Variants in SGCD observed in about 807,000 individuals in gnomAD.
SGCD encodes sarcoglycan delta.
Under a neutral mutation model 36.6 loss-of-function variants are expected in SGCD, and 18 were observed. The observed-to-expected ratio is 0.49, with a 90% CI of 0.34 to 0.73. SGCD has a LOEUF of 0.73. Among genes scored for constraint, SGCD ranks in the 30% least tolerant of loss-of-function variants. The pLI, the probability that SGCD is intolerant of heterozygous loss-of-function variation, is 0.01. For missense variants in SGCD, 387 were observed against 346.7 expected (o/e 1.12, Z -0.92); for synonymous variants, 133 against 130.6 (o/e 1.02, Z -0.12).
rs187605462 is a variant in SGCD, at chr5:156,073,047, A to T, written c.-281-44831A>T. Among the ~76,000 whole-genome samples the T allele has an allele frequency of 1.3e-3, 191 of 152,160 alleles. 1 individual carries two copies. The highest frequency in any genetic ancestry group is 2.4e-3 in the Admixed American group (36 of 15,272). On this transcript the variant is annotated intron_variant, in intron 1 of 9. Transcript: ENST00000517913. ...ATACATTCATCTAAATTTTTTTCAA[A>T]GTTTTCAACTTCTTTGCCTTTGGTT...
At chr5:156,600,547 T>C (rs781488967) in intron 6 of SGCD, among the ~76,000 whole-genome samples, 1 of 152,232 alleles carries the variant, frequency 6.6e-6, no homozygotes, top group Non-Finnish European at 1.5e-5. Context: ...TAACACATTT[T>C]CTTTATGTAT....
intron 1 of SGCD, among the ~76,000 whole-genome samples, chr5:155,985,760 A>C (rs1355744453): frequency 6.6e-6 from 1 of 152,078 alleles, no homozygotes; most frequent in Non-Finnish European, 1.5e-5. Flanking sequence ...AAATAATGGC[A>C]CTCTCACTCC....
chr5:155,911,392 A>G (rs1756628354), intron 1 of SGCD, among the ~76,000 whole-genome samples: 1 of 151,776 alleles, frequency 6.6e-6, no homozygotes, highest in South Asian at 2.1e-4. Flanking sequence ...ATCATAAGGA[A>G]ATATAAATGG....
intron 3 of SGCD, among the ~76,000 whole-genome samples, chr5:156,457,856 T>C (rs541563173): frequency 3.9e-5 from 6 of 152,308 alleles, no homozygotes; most frequent in Non-Finnish European, 8.8e-5. Flanking sequence ...GGGATATGTG[T>C]ATGCAAGTGA....
At chr5:156,620,670 G>A (rs1317400408) in intron 6 of SGCD, among the ~76,000 whole-genome samples, 1 of 152,216 alleles carries the variant, frequency 6.6e-6, no homozygotes, top group Non-Finnish European at 1.5e-5. Flanking sequence ...GCAGCAGCAA[G>A]AACAGGGACT....
At chr5:155,821,940 G>A in the SGCD span, among the ~76,000 whole-genome samples, 1 of 152,164 alleles carries the variant, frequency 6.6e-6, no homozygotes, top group Admixed American at 6.5e-5. Flanking sequence ...GTTACTACAT[G>A]CCTGACATAT....
At chr5:155,896,265 G>C (rs568394740) in intron 1 of SGCD, among the ~76,000 whole-genome samples, 1 of 152,258 alleles carries the variant, frequency 6.6e-6, no homozygotes, top group East Asian at 1.9e-4. Flanking sequence ...TGTATTAGTA[G>C]TATTAACTTG....
chr5:156,726,216 T>G (rs1013196603), intron 7 of SGCD, among the ~76,000 whole-genome samples: 1 of 152,216 alleles, frequency 6.6e-6, no homozygotes, highest in Non-Finnish European at 1.5e-5. Context: ...ACAATAATTA[T>G]GAGGAGGGTC....
At chr5:155,976,640 G>A (rs962193163) in intron 1 of SGCD, among the ~76,000 whole-genome samples, 21 of 152,140 alleles carry the variant, frequency 1.4e-4, no homozygotes, top group African/African-American at 4.6e-4. Context: ...AGCGTGTGTT[G>A]TTTGGAATTT....
At chr5:156,749,558 C>T (rs1279354725) in intron 7 of SGCD, among the ~76,000 whole-genome samples, 1 of 152,048 alleles carries the variant, frequency 6.6e-6, no homozygotes, top group Non-Finnish European at 1.5e-5. Flanking sequence ...AAAAAAAAGA[C>T]AGACAGCTAC....
chr5:155,778,605 G>A, the SGCD span, among the ~76,000 whole-genome samples: 2 of 128,670 alleles, frequency 1.6e-5, no homozygotes, highest in African/African-American at 2.9e-5. Flanking sequence ...AGGTTATAAG[G>A]CTACACGTTT....
chr5:156,480,873 T>C (rs564886684), intron 3 of SGCD, among the ~76,000 whole-genome samples: 1 of 152,324 alleles, frequency 6.6e-6, no homozygotes, highest in African/African-American at 2.4e-5. Context: ...TCTTATTGCC[T>C]TCAAAGGCCA....
intron 6 of SGCD, among the ~76,000 whole-genome samples, chr5:156,632,559 T>A (rs1047902090): frequency 6.6e-6 from 1 of 152,196 alleles, no homozygotes. Context: ...CTTTTCTTCA[T>A]AGCTATATTT....
At chr5:155,820,297 A>C in the SGCD span, among the ~76,000 whole-genome samples, 2 of 152,168 alleles carry the variant, frequency 1.3e-5, no homozygotes, top group South Asian at 2.1e-4. Flanking sequence ...TCAACCCAGC[A>C]GACAGGCAGA....
At chr5:156,014,638 C>G (rs554103521) in intron 1 of SGCD, among the ~76,000 whole-genome samples, 12 of 152,226 alleles carry the variant, frequency 7.9e-5, no homozygotes, top group Admixed American at 7.8e-4. Context: ...ATGTAATCTA[C>G]AGTCCATATT....
chr5:156,742,732 G>T (rs1399765796), intron 7 of SGCD, among the ~76,000 whole-genome samples: 1 of 152,208 alleles, frequency 6.6e-6, no homozygotes, highest in Admixed American at 6.5e-5. Context: ...CAGAAGGACT[G>T]AGAACCAAGG....
At chr5:156,680,669 A>G (rs1292075701) in intron 7 of SGCD, among the ~76,000 whole-genome samples, 5 of 152,200 alleles carry the variant, frequency 3.3e-5, no homozygotes, top group African/African-American at 4.8e-5. Context: ...TACATGTGAA[A>G]GTCAGTCTTA....
chr5:156,589,238 C>A lies in SGCD; in HGVS notation c.302C>A (p.Ala101Asp). The change falls in exon 5 of 9, where the codon GCC becomes GAC. Residue 101 changes from alanine (A) to aspartate (D), a missense_variant. Transcript: ENST00000337851. The part of the protein sequence containing the change: ...AKEIQSRPGN[A>D]LYFKSARNVT... ...CTTATTTTCTTATTGCAGGGTAATGCCCTGTACTTCAAGTCTGCCAGAAAT... is the reference window on the plus strand; with the variant it reads ...CTTATTTTCTTATTGCAGGGTAATGACCTGTACTTCAAGTCTGCCAGAAAT... 3 of 1,559,976 alleles carry A rather than the reference C, an allele frequency of 1.9e-6. No homozygotes were observed. Among genetic ancestry groups the A allele is most frequent in the Non-Finnish European group, 2.6e-6 (3 of 1,147,672 alleles).
In SGCD at chr5:156,724,373, G is replaced by A. The variant is rs1398434046; in HGVS notation, c.576-33208G>A. Among the ~76,000 whole-genome samples, 3 of 152,178 alleles carry A rather than the reference G, an allele frequency of 2.0e-5. No individual in the cohort carries two copies. In the East Asian group the frequency reaches 5.8e-4, roughly 29 times the overall value. On this transcript the variant is annotated intron_variant, in intron 7 of 8. Coordinates refer to ENST00000337851, the MANE Select transcript of SGCD (RefSeq NM_000337.6). Reference sequence around the variant, plus strand: ...TAATCCCAGCACTTTGGGAGGCCGAGGCAGGCAGATCACGAGGTCAGGAGA... The same window carrying A: ...TAATCCCAGCACTTTGGGAGGCCGAAGCAGGCAGATCACGAGGTCAGGAGA...
Sources: allele counts gnomAD v4.1 joint callset (sites outside exome capture counted in the v4.1 genomes callset), GRCh38; gene constraint gnomAD v4.1.1; transcripts MANE v1.5; gene names NCBI Gene and HGNC (gene_info 2026-07-23, HGNC 2026-07-21).